TADA1: variants seen among roughly 807,000 people sequenced by gnomAD.
TADA1 encodes transcriptional adaptor 1.
In TADA1, 23 loss-of-function variants were observed where a neutral mutation model predicts 39.3. That is an observed-to-expected ratio of 0.58 (90% CI 0.42 to 0.83). The LOEUF is 0.83. TADA1 is among the 40% of genes least tolerant of loss of function. The pLI is 0.00. For missense variants in TADA1, 352 were observed against 408.1 expected (o/e 0.86, Z 1.18); for synonymous variants, 137 against 151.8 (o/e 0.90, Z 0.72).
At chr1:166,865,272 G>C (rs1055668141) in intron 3 of TADA1, among the ~76,000 whole-genome samples, 7 of 152,020 alleles carry the variant, frequency 4.6e-5, no homozygotes, top group African/African-American at 1.7e-4. Flanking sequence ...CTCAAACACA[G>C]AGCAATAAGA....
intron 3 of TADA1, chr1:166,868,789 A>T (rs1658591349): frequency 6.5e-6 from 1 of 153,048 alleles, no homozygotes; most frequent in African/African-American, 2.4e-5. Context: ...CCTGCGGGGG[A>T]GGGTGGCACA....
In TADA1 at chr1:166,858,438, T is replaced by G. The variant is rs76808474; in HGVS notation, c.693-157A>C. Among the ~76,000 whole-genome samples, 1,306 of 152,338 alleles carry G rather than the reference T, an allele frequency of 8.6e-3. 9 individuals are homozygous for G. Among genetic ancestry groups the G allele is most frequent in the Non-Finnish European group, 0.015 (994 of 68,036 alleles). The stretch of plus-strand genomic sequence containing the variant: ...GACATGAATAATCTGTAATTTTAAT[T>G]TTTAAAGGCTGGAAATAAAACATAA... On this transcript the variant is annotated intron_variant, in intron 6 of 7. Coordinates refer to ENST00000367874, the MANE Select transcript of TADA1 (RefSeq NM_053053.4).
chr1:166,868,934 A>G, intron 3 of TADA1: 1 of 197,772 alleles, frequency 5.1e-6, no homozygotes, highest in South Asian at 1.1e-4. Flanking sequence ...ACATTCAGAC[A>G]GTCCTTCCTT....
chr1:166,858,146 G>GT lies in TADA1; in HGVS notation c.827dup (p.Asn276LysfsTer7). 6.2e-7 allele frequency: 1 copy of GT among 1,614,144 alleles called. No homozygotes were observed. Among genetic ancestry groups the GT allele is most frequent in the Non-Finnish European group, 8.5e-7 (1 of 1,180,000 alleles). On this transcript the variant is annotated frameshift_variant, in exon 7 of 8. Transcript: ENST00000367874. LOFTEE classifies it high-confidence loss of function. Reference sequence around the variant, plus strand: ...GCAAAGCTTCAAAAAGATCGTACATGTTCACCGGAGGCAAAGATGCAGGTA... The same window carrying GT: ...GCAAAGCTTCAAAAAGATCGTACATGTTTCACCGGAGGCAAAGATGCAGGTA...
At chr1:166,869,616 A>C in intron 2 of TADA1, 106 bp from the exon 3 acceptor site, 1 of 1,378,598 alleles carries the variant, frequency 7.3e-7, no homozygotes, top group Non-Finnish European at 1.0e-6. Flanking sequence ...CTATTCTGCC[A>C]TGCTTTATAC....
At chr1:166,861,427 C>T (rs1055400607) in intron 5 of TADA1, among the ~76,000 whole-genome samples, 1 of 152,160 alleles carries the variant, frequency 6.6e-6, no homozygotes, top group Non-Finnish European at 1.5e-5. Flanking sequence ...TCCAATGTCA[C>T]CTGACCATAC....
intron 4 of TADA1, 181 bp from the exon 5 acceptor site, chr1:166,862,593 T>C (rs889786304): frequency 1.6e-6 from 1 of 608,674 alleles, no homozygotes; most frequent in East Asian, 2.8e-5. Flanking sequence ...CAATACAAGG[T>C]AATAATGAAG....
rs1132732 is a variant in TADA1, at chr1:166,876,203, C to A, written c.31G>T (p.Ala11Ser). ...AGGGCCTCGCTTAAGTTCTTCTTGG[C>A]CGCCTCCAGCTCGCTCACAAAGGTC... MATFVSELEA[A>S]KKNLSEALGD... Residue 11 changes from alanine to serine, a missense_variant, in exon 1 of 8, where the codon GCC becomes TCC. Transcript: ENST00000367874. The A allele has an allele frequency of 1.2e-6, 2 of 1,613,634 alleles. No individual in the cohort carries two copies. Among genetic ancestry groups the A allele is most frequent in the Non-Finnish European group, 1.7e-6 (2 of 1,179,828 alleles).
intron 5 of TADA1, among the ~76,000 whole-genome samples, chr1:166,861,087 TAAAC>T (rs1431999950): frequency 1.3e-5 from 2 of 152,194 alleles, no homozygotes; most frequent in African/African-American, 2.4e-5. Context: ...AAAAGCCACA[TAAAC>T]AACAGATATA....
Position 166,862,194 on chromosome 1 carries a change from C to T in TADA1, c.540+9G>A, listed in dbSNP as rs111256392. 1.1e-3 allele frequency: 1,732 copies of T among 1,612,736 alleles called. 22 individuals are homozygous for T. The African/African-American group carries it at 0.02, about 19-fold the overall frequency. ...CCTGTAAGATTATTTCTGCCAACAG[C>T]AAACCAACCTCCACAGCATAGACAA... On this transcript the variant is annotated intron_variant, in intron 5 of 7. Transcript: ENST00000367874.
chr1:166,874,926 C>A (rs575822091), intron 1 of TADA1, among the ~76,000 whole-genome samples: 16 of 152,318 alleles, frequency 1.1e-4, no homozygotes, highest in Non-Finnish European at 1.6e-4. Context: ...AGTAGACTGT[C>A]AACTCTGCCA....
chr1:166,874,508 G>A (rs906582015), intron 1 of TADA1, among the ~76,000 whole-genome samples: 3 of 152,100 alleles, frequency 2.0e-5, no homozygotes, highest in Admixed American at 6.5e-5. Flanking sequence ...CACTATAGTC[G>A]GGTGTGGTGG....
At chr1:166,857,841 AAT>A in intron 7 of TADA1, 122 bp from the exon 8 acceptor site, 1 of 1,115,346 alleles carries the variant, frequency 9.0e-7, no homozygotes, top group Non-Finnish European at 1.3e-6. Context: ...CATACACTAA[AAT>A]GAATCACCAA....
Position 166,874,620 on chromosome 1 carries a change from GA to G in TADA1, c.74+1539del, listed in dbSNP as rs1332145374. 1.5e-4 allele frequency among the ~76,000 whole-genome samples: 22 copies of G among 149,546 alleles called. No homozygotes were observed. In the East Asian group the frequency reaches 3.7e-3, roughly 25 times the overall value. ...GGCAACACAGCAAGACTTTGTCTCTGAAAAAAAAAACTTTAGCCAGGATTAG... is the reference window on the plus strand; with the variant it reads ...GGCAACACAGCAAGACTTTGTCTCTGAAAAAAAAACTTTAGCCAGGATTAG... On this transcript the variant is annotated intron_variant, in intron 1 of 7. Coordinates refer to ENST00000367874, the MANE Select transcript of TADA1 (RefSeq NM_053053.4).
At chr1:166,858,039 C>A (rs1218433235) in intron 7 of TADA1, 80 bp downstream of exon 7, 30 of 1,529,836 alleles carry the variant, frequency 2.0e-5, no homozygotes, top group African/African-American at 2.8e-5. Context: ...GTGGAAAAAA[C>A]CAGTGAATAC....
At chr1:166,875,110 T>C (rs1216382755) in intron 1 of TADA1, among the ~76,000 whole-genome samples, 3 of 152,228 alleles carry the variant, frequency 2.0e-5, no homozygotes, top group Non-Finnish European at 4.4e-5. Flanking sequence ...ATGCATCCAC[T>C]GAGTAATGCA....
chr1:166,869,394 G>A (rs760732483), intron 3 of TADA1, 51 bp downstream of exon 3: 18 of 1,486,400 alleles, frequency 1.2e-5, no homozygotes, highest in Admixed American at 1.7e-5. Flanking sequence ...GAAAGCTAAA[G>A]TCTAGTGCTT....
intron 5 of TADA1, among the ~76,000 whole-genome samples, chr1:166,860,583 A>G (rs916373256): frequency 2.6e-5 from 4 of 152,224 alleles, no homozygotes; most frequent in Non-Finnish European, 5.9e-5. Flanking sequence ...GGGGCTTGCT[A>G]TACATGAAAT....
chr1:166,869,567 C>G, intron 2 of TADA1, 57 bp from the exon 3 acceptor site: 1 of 1,580,464 alleles, frequency 6.3e-7, no homozygotes. Context: ...ATAAGGAAAC[C>G]ACAACTTTGG....
Sources: gnomAD v4.1 joint callset for allele counts (sites outside exome capture counted in the v4.1 genomes callset) on GRCh38, gnomAD v4.1.1 for gene constraint, MANE v1.5 for transcripts, NCBI Gene and HGNC (gene_info 2026-07-23, HGNC 2026-07-21) for gene names.